Variants in NPR3 observed in about 807,000 individuals in gnomAD.
NPR3 encodes natriuretic peptide receptor 3.
A neutral mutation model predicts 54.5 loss-of-function variants in NPR3; 34 were observed. The observed-to-expected ratio is 0.62, with a 90% CI of 0.47 to 0.83. The LOEUF (loss-of-function observed/expected upper bound fraction) is 0.83. NPR3 is among the 40% of genes least tolerant of loss of function. The pLI is 0.00. For synonymous variants in NPR3, 289 were observed against 297.1 expected (o/e 0.97, Z 0.28); for missense variants, 674 against 720.8 (o/e 0.94, Z 0.74).
chr5:32,732,263 A>G (rs1181036036), intron 2 of NPR3, among the ~76,000 whole-genome samples: 1 of 151,144 alleles, frequency 6.6e-6, no homozygotes, highest in African/African-American at 2.4e-5. Flanking sequence ...AAAAAAAAAA[A>G]AAAAAAAAAA....
chr5:32,708,013 A>C (rs1297153974), upstream of NPR3, among the ~76,000 whole-genome samples: 2 of 140,164 alleles, frequency 1.4e-5, no homozygotes, highest in East Asian at 3.9e-4. Context: ...AAAAAAAAAA[A>C]AAACAACCCA....
intron 6 of NPR3, chr5:32,783,235 T>C (rs1742432205): frequency 4.3e-6 from 2 of 461,352 alleles, no homozygotes; most frequent in East Asian, 3.5e-5. Context: ...AATGGTAGAA[T>C]GTTTCTTCCT....
At chr5:32,782,408 T>C (rs1422833750) in intron 5 of NPR3, among the ~76,000 whole-genome samples, 2 of 152,104 alleles carry the variant, frequency 1.3e-5, no homozygotes, top group African/African-American at 4.8e-5. Flanking sequence ...GGTGGGCTGC[T>C]CTGGGACAGA....
chr5:32,702,864 T>A (rs1737863764), intron 1 of NPR3, among the ~76,000 whole-genome samples: 1 of 152,160 alleles, frequency 6.6e-6, no homozygotes, highest in South Asian at 2.1e-4. Flanking sequence ...TTGAACTAGT[T>A]TACAGTCCCA....
chr5:32,735,269 T>C (rs1378208365), intron 2 of NPR3, among the ~76,000 whole-genome samples: 1 of 152,160 alleles, frequency 6.6e-6, no homozygotes, highest in Non-Finnish European at 1.5e-5. Flanking sequence ...CTGGCTCTGC[T>C]GCTTCTTTAC....
At position 32,711,620 on chromosome 5, in the gene NPR3, T is replaced by C. The variant is rs1161377202; in HGVS notation, c.-157T>C. On this transcript the variant is annotated 5_prime_UTR_variant, in exon 1 of 8. Coordinates refer to ENST00000265074, the MANE Select transcript of NPR3 (RefSeq NM_001204375.2). ...TGCAGAGAAGGACGCTTCCTCTCTA[T>C]CTTTTGGCGCATTAGTGAAGGGGGT... 8.0e-7 allele frequency: 1 copy of C among 1,256,380 alleles called. No homozygotes were observed. The highest frequency in any genetic ancestry group is 1.6e-5 in the African/African-American group (1 of 64,352). The allele number at this position is 1,256,380 out of a possible 1,614,324, so 77.8% of individuals were successfully genotyped here. A position where few individuals can be genotyped will look rare whatever the true frequency, so the allele number is the denominator to read the frequency against.
intron 1 of NPR3, among the ~76,000 whole-genome samples, chr5:32,692,150 A>G (rs1016238424): frequency 6.6e-6 from 1 of 152,164 alleles, no homozygotes; most frequent in Non-Finnish European, 1.5e-5. Flanking sequence ...GATATAGCTA[A>G]TTAAACATTT....
Position 32,785,652 on chromosome 5 carries a change from G to A in NPR3, c.1515-582G>A, listed in dbSNP as rs184409318. ...CAGGCTGATCTGTGCTCAGTATCTG[G>A]AGAGCCCACATGCTCATTTGCCACT... On this transcript the variant is annotated intron_variant, in intron 7 of 7. Transcript: ENST00000265074. Among the ~76,000 whole-genome samples the A allele has an allele frequency of 1.8e-4, 28 of 152,286 alleles. No individual in the cohort carries two copies. In the South Asian group the frequency reaches 5.8e-3, roughly 32 times the overall value.
At chr5:32,753,486 G>A (rs1486307848) in intron 3 of NPR3, among the ~76,000 whole-genome samples, 1 of 152,048 alleles carries the variant, frequency 6.6e-6, no homozygotes, top group East Asian at 1.9e-4. Context: ...ACATGTATCA[G>A]CTCCAGCAGT....
At chr5:32,716,318 G>T (rs1206673001) in intron 1 of NPR3, 8 of 419,542 alleles carry the variant, frequency 1.9e-5, no homozygotes, top group South Asian at 5.3e-5. Context: ...CTCAATTCTT[G>T]TTAGCTCTTC....
chr5:32,786,365 T>A lies in NPR3; in HGVS notation c.*20T>A, dbSNP rs1181816128. ...GCTTAAAGGAAGCCCCCCACTTTTT[T>A]TTTTTCTGCCTGAGATTCTTTAAGG... On this transcript the variant is annotated 3_prime_UTR_variant, in exon 8 of 8. Coordinates refer to ENST00000265074, the MANE Select transcript of NPR3 (RefSeq NM_001204375.2). 23 of 1,024,182 alleles carry A rather than the reference T, an allele frequency of 2.2e-5. No homozygotes were observed. Among genetic ancestry groups the A allele is most frequent in the Non-Finnish European group, 1.5e-6 (1 of 662,356 alleles). 63.4% of individuals were successfully genotyped at this position (1,024,182 alleles called of 1,614,324 possible). A position where few individuals can be genotyped will look rare whatever the true frequency, so the allele number is the denominator to read the frequency against.
Position 32,790,506 on chromosome 5 carries a change from C to T in NPR3, c.*4161C>T, listed in dbSNP as rs925683488. 6.0e-6 allele frequency: 1 copy of T among 166,686 alleles called. No homozygotes were observed. Among genetic ancestry groups the T allele is most frequent in the Admixed American group, 6.6e-5 (1 of 15,266 alleles). The allele number at this position is 166,686 out of a possible 1,614,324, so 10.3% of individuals were successfully genotyped here. ...ATGTAGCTGGCTTTTCATCAGAACCCTTATGCTAACCTGACCACACTTGCT... is the reference window on the plus strand; with the variant it reads ...ATGTAGCTGGCTTTTCATCAGAACCTTTATGCTAACCTGACCACACTTGCT... On this transcript the variant is annotated 3_prime_UTR_variant, in exon 8 of 8. Transcript: ENST00000265074.
In NPR3 at chr5:32,712,491, A is replaced by C; in HGVS notation, c.715A>C (p.Thr239Pro). The change falls in exon 1 of 8, where the codon ACC becomes CCC. Residue 239 changes from threonine (T) to proline (P), a missense_variant. By Grantham distance (38) the Thr-to-Pro change is conservative. Transcript: ENST00000265074. ...CACGTCCATCTACAGTTTCGACGAG[A>C]CCAAAGACTTGGATCTGGAAGACAT... ...LHTSIYSFDETKDLDLEDIVR... is the reference protein window; with the variant it reads ...LHTSIYSFDEPKDLDLEDIVR... 3 of 1,567,546 alleles carry C rather than the reference A, an allele frequency of 1.9e-6. No homozygotes were observed. The highest frequency in any genetic ancestry group is 2.6e-6 in the Non-Finnish European group (3 of 1,158,652).
intron 1 of NPR3, among the ~76,000 whole-genome samples, chr5:32,695,296 G>T (rs533209859): frequency 6.6e-6 from 1 of 151,960 alleles, no homozygotes; most frequent in African/African-American, 2.4e-5. Context: ...ACGGAGCCTC[G>T]CTCTGTCGTC....
At chr5:32,695,148 A>C (rs745518351) in intron 1 of NPR3, among the ~76,000 whole-genome samples, 1 of 152,238 alleles carries the variant, frequency 6.6e-6, no homozygotes, top group Non-Finnish European at 1.5e-5. Flanking sequence ...CGCTATTGTG[A>C]ATAGTGCTGC....
At chr5:32,699,473 C>A (rs1441142277) in intron 1 of NPR3, among the ~76,000 whole-genome samples, 1 of 152,108 alleles carries the variant, frequency 6.6e-6, no homozygotes, top group Admixed American at 6.5e-5. Flanking sequence ...TCCCCTAACC[C>A]CCTGACTGGC....
chr5:32,749,562 A>G (rs1303618857), intron 3 of NPR3, among the ~76,000 whole-genome samples: 1 of 152,150 alleles, frequency 6.6e-6, no homozygotes, highest in Non-Finnish European at 1.5e-5. Flanking sequence ...TATTCAACGG[A>G]TTATCCCAAA....
intron 3 of NPR3, among the ~76,000 whole-genome samples, chr5:32,774,240 A>G (rs115354177): frequency 0.011 from 1,600 of 152,360 alleles, 27 homozygotes; most frequent in African/African-American, 0.037. Context: ...TCTAGTAGAT[A>G]TCAACAGTTG....
At chr5:32,785,171 C>T (rs996108712) in intron 7 of NPR3, among the ~76,000 whole-genome samples, 59 of 108,556 alleles carry the variant, frequency 5.4e-4, no homozygotes, top group African/African-American at 2.1e-3. Context: ...TTTTTTGAGA[C>T]GGAGTCTCAG....
Sources: gnomAD v4.1 joint callset for allele counts (sites outside exome capture counted in the v4.1 genomes callset) on GRCh38, gnomAD v4.1.1 for gene constraint, MANE v1.5 for transcripts, NCBI Gene and HGNC (gene_info 2026-07-23, HGNC 2026-07-21) for gene names.